Variants in GLT1D1 observed in about 807,000 individuals in gnomAD.
GLT1D1 encodes glycosyltransferase 1 domain-containing protein 1.
In GLT1D1, 21 loss-of-function variants were observed where a neutral mutation model predicts 28.7. That is an observed-to-expected ratio of 0.73 (90% CI 0.52 to 1.05). GLT1D1 has a LOEUF of 1.05. GLT1D1 is among the 50% of genes least tolerant of loss of function. The pLI, the probability that GLT1D1 is intolerant of heterozygous loss-of-function variation, is 0.00. For synonymous variants in GLT1D1, 147 were observed against 124.8 expected (o/e 1.18, Z -1.19); for missense variants, 343 against 330.6 (o/e 1.04, Z -0.29).
intron 7 of GLT1D1, among the ~76,000 whole-genome samples, chr12:128,977,552 G>A (rs1461550619): frequency 1.3e-5 from 2 of 152,092 alleles, no homozygotes; most frequent in Non-Finnish European, 2.9e-5. Context: ...GAAAAGAAAA[G>A]AAATGCGGCA....
At chr12:128,895,723 T>G (rs961252899) in intron 3 of GLT1D1, among the ~76,000 whole-genome samples, 1 of 151,980 alleles carries the variant, frequency 6.6e-6, no homozygotes, top group Non-Finnish European at 1.5e-5. Flanking sequence ...CCTCCCAAAG[T>G]GCTGAGATTA....
At chr12:128,880,366 A>C (rs1047083915) in intron 2 of GLT1D1, among the ~76,000 whole-genome samples, 11 of 152,226 alleles carry the variant, frequency 7.2e-5, no homozygotes, top group African/African-American at 2.7e-4. Context: ...AATATCGAGA[A>C]CTGAAGCCAT....
At chr12:128,915,332 G>A (rs1593126121) in intron 4 of GLT1D1, among the ~76,000 whole-genome samples, 1 of 150,814 alleles carries the variant, frequency 6.6e-6, no homozygotes, top group Non-Finnish European at 1.5e-5. Flanking sequence ...AATTACCATT[G>A]TAGAAAAATG....
intron 4 of GLT1D1, among the ~76,000 whole-genome samples, chr12:128,934,198 CTTT>C (rs1228657723): frequency 3.0e-4 from 22 of 73,424 alleles, no homozygotes; most frequent in African/African-American, 8.7e-4. Flanking sequence ...AAGAGACAGT[CTTT>C]TTTTTTTTTT....
intron 4 of GLT1D1, 34 bp from the exon 7 acceptor site, chr12:128,926,325 C>T (rs1269874384): frequency 8.8e-7 from 1 of 1,133,866 alleles, no homozygotes; most frequent in Non-Finnish European, 1.3e-6. Flanking sequence ...CAGAGCCCTC[C>T]CCACTGAAAA....
chr12:128,861,366 C>T (rs112802411), intron 1 of GLT1D1, among the ~76,000 whole-genome samples: 10 of 152,306 alleles, frequency 6.6e-5, no homozygotes, highest in Admixed American at 1.3e-4. Flanking sequence ...CCTTCTGACC[C>T]GTGCTCTACA....
At chr12:128,979,583 G>A (rs767042453) in intron 7 of GLT1D1, among the ~76,000 whole-genome samples, 43 of 152,038 alleles carry the variant, frequency 2.8e-4, no homozygotes, top group Admixed American at 9.2e-4. Flanking sequence ...GTGAAACCCC[G>A]TCTCCAGAAA....
At chr12:128,937,437 C>T (rs1874681842) in intron 4 of GLT1D1, among the ~76,000 whole-genome samples, 1 of 152,048 alleles carries the variant, frequency 6.6e-6, no homozygotes, top group Admixed American at 6.6e-5. Context: ...GACGTTGGCC[C>T]CTGTGGTAGG....
intron 4 of GLT1D1, among the ~76,000 whole-genome samples, chr12:128,901,506 G>A (rs539676349): frequency 7.3e-5 from 11 of 150,808 alleles, no homozygotes; most frequent in Admixed American, 1.3e-4. Flanking sequence ...GCGCGATCTC[G>A]GCTCACTGCA....
intron 2 of GLT1D1, among the ~76,000 whole-genome samples, chr12:128,882,205 T>C (rs1382598674): frequency 6.6e-6 from 1 of 152,022 alleles, no homozygotes; most frequent in Admixed American, 6.6e-5. Flanking sequence ...AAGTAGAATA[T>C]GCAAATAATG....
intron 4 of GLT1D1, among the ~76,000 whole-genome samples, chr12:128,905,917 A>C (rs568803356): frequency 1.3e-5 from 2 of 151,194 alleles, no homozygotes; most frequent in South Asian, 4.2e-4. Context: ...CTGCAGCCTC[A>C]AACTCGTGGG....
Position 128,982,984 on chromosome 12 carries a change from T to C in GLT1D1, c.695T>C (p.Ile232Thr). 6.2e-7 allele frequency: 1 copy of C among 1,614,038 alleles called. No homozygotes were observed. Among genetic ancestry groups the C allele is most frequent in the Non-Finnish European group, 8.5e-7 (1 of 1,179,914 alleles). The change falls in exon 8 of 8, where the codon ATC becomes ACC. Residue 232 changes from isoleucine to threonine, a missense_variant. Coordinates refer to ENST00000281703, the MANE Select transcript of GLT1D1 (RefSeq NM_144669.3). Reference sequence around the variant, plus strand: ...AGTGATCCTGCATTAGAAAAGGAAATCGTAGTGAACGGAAGGGAATACGTG... The same window carrying C: ...AGTGATCCTGCATTAGAAAAGGAAACCGTAGTGAACGGAAGGGAATACGTG...
chr12:128,952,338 A>T, intron 6 of GLT1D1, among the ~76,000 whole-genome samples: 1 of 147,362 alleles, frequency 6.8e-6, no homozygotes, highest in East Asian at 2.0e-4. Flanking sequence ...GCCTGTGTTG[A>T]AGTCCTCACC....
intron 2 of GLT1D1, among the ~76,000 whole-genome samples, chr12:128,876,579 G>C (rs1052384033): frequency 5.3e-5 from 8 of 152,058 alleles, no homozygotes; most frequent in South Asian, 2.1e-4. Flanking sequence ...GCCTCCCAAA[G>C]TGCTGGGATT....
At chr12:128,976,303 C>G (rs1040892546) in intron 7 of GLT1D1, among the ~76,000 whole-genome samples, 4 of 152,180 alleles carry the variant, frequency 2.6e-5, no homozygotes, top group African/African-American at 9.7e-5. Context: ...ATTCCTGAAC[C>G]CCACCCTCCA....
intron 5 of GLT1D1, 188 bp from the exon 10 acceptor site, chr12:128,947,150 C>T (rs1420015757): frequency 3.2e-6 from 2 of 627,200 alleles, no homozygotes; most frequent in South Asian, 2.0e-5. Context: ...CAACTCCCTC[C>T]CTCCCTTGTC....
Position 128,853,537 on chromosome 12 carries a change from T to TCGG in GLT1D1, c.-35_-33dup, listed in dbSNP as rs1956119464. ...CGTCTGCGCCGGCCCCGGGGCCTGGTCGGCGGCGGCGGGGCCGGTCGATGG... is the reference window on the plus strand; with the variant it reads ...CGTCTGCGCCGGCCCCGGGGCCTGGTCGGCGGCGGCGGCGGGGCCGGTCGATGG... On this transcript the variant is annotated 5_prime_UTR_variant, in exon 1 of 8. Coordinates refer to ENST00000281703, the MANE Select transcript of GLT1D1 (RefSeq NM_144669.3). 4.8e-6 allele frequency: 5 copies of TCGG among 1,032,778 alleles called. No homozygotes were observed. The highest frequency in any genetic ancestry group is 5.8e-6 in the Non-Finnish European group (5 of 865,184). 64.0% of individuals were successfully genotyped at this position (1,032,778 alleles called of 1,614,324 possible). A position where few individuals can be genotyped will look rare whatever the true frequency, so the allele number is the denominator to read the frequency against.
chr12:128,931,917 G>GCACGCACA (rs1368012620), intron 4 of GLT1D1, among the ~76,000 whole-genome samples: 208 of 141,098 alleles, frequency 1.5e-3, no homozygotes, highest in African/African-American at 5.2e-3. Flanking sequence ...ACACACGCAC[G>GCACGCACA]CACACACACA....
chr12:128,907,047 C>T lies in GLT1D1; in HGVS notation c.375+7760C>T, dbSNP rs73440340. 0.014 allele frequency: 9,681 copies of T among 689,344 alleles called. 642 individuals are homozygous for T. In the African/African-American group the frequency reaches 0.15, roughly 10 times the overall value. The allele number at this position is 689,344 out of a possible 1,614,324, so 42.7% of individuals were successfully genotyped here. ...CCCTAAAGTCTGCAGTAGAAGCATG[C>T]TGTCTTTTGAGCTACTTATTACTTC... On this transcript the variant is annotated intron_variant, in intron 4 of 7. Coordinates refer to ENST00000281703, the MANE Select transcript of GLT1D1 (RefSeq NM_144669.3).
Sources: gnomAD v4.1 joint callset for allele counts (sites outside exome capture counted in the v4.1 genomes callset) on GRCh38, gnomAD v4.1.1 for gene constraint, MANE v1.5 for transcripts, NCBI Gene and HGNC (gene_info 2026-07-23, HGNC 2026-07-21) for gene names.